HIVEP3: variants seen among roughly 807,000 people sequenced by gnomAD.
HIVEP3 encodes transcription factor HIVEP3.
HIVEP3 carries 49 observed loss-of-function variants against 152.8 expected under a neutral mutation model. That is an observed-to-expected ratio of 0.32 (90% CI 0.26 to 0.41). The LOEUF is 0.41. HIVEP3 is among the 10% of genes least tolerant of loss of function. HIVEP3 has a pLI of 1.00. For missense variants in HIVEP3, 2,790 were observed against 3,103.3 expected (o/e 0.90, Z 2.40); for synonymous variants, 1,269 against 1,289.0 (o/e 0.98, Z 0.33).
At position 41,511,422 on chromosome 1, in the gene HIVEP3, C is replaced by G. The variant is rs1644454561; in HGVS notation, c.6406-156G>C. ...CCAGAACCAAGTTCCTGACTCCCTG[C>G]CCACAGATGCTGAGCCAGCTGCCAT... On this transcript the variant is annotated intron_variant, in intron 8 of 8. Transcript: ENST00000372583. This position sits in a 1 kb window ranked among gnomAD's most constrained non-coding sequence, Gnocchi z 4.9. 6.6e-6 allele frequency among the ~76,000 whole-genome samples: 1 copy of G among 152,184 alleles called. No homozygotes were observed. The highest frequency in any genetic ancestry group is 1.5e-5 in the Non-Finnish European group (1 of 68,032).
At chr1:41,678,196 T>C (rs935000069) in intron 2 of HIVEP3, among the ~76,000 whole-genome samples, 2 of 152,244 alleles carry the variant, frequency 1.3e-5, no homozygotes, top group Non-Finnish European at 2.9e-5. Context: ...AGCCTGTTCC[T>C]GGCAGCATCT....
chr1:41,771,239 T>C (rs1314786022), intron 1 of HIVEP3, among the ~76,000 whole-genome samples: 1 of 151,912 alleles, frequency 6.6e-6, no homozygotes. Context: ...TAATTTCAAT[T>C]GCTGTTTCTA....
At chr1:41,911,790 A>G (rs1463515482) in intron 1 of HIVEP3, among the ~76,000 whole-genome samples, 2 of 152,236 alleles carry the variant, frequency 1.3e-5, no homozygotes, top group African/African-American at 4.8e-5. Context: ...GTTGGTACAG[A>G]GTCCAATCAA....
At chr1:41,566,436 C>T (rs1414046292) in intron 5 of HIVEP3, among the ~76,000 whole-genome samples, 2 of 152,192 alleles carry the variant, frequency 1.3e-5, no homozygotes, top group African/African-American at 2.4e-5. Flanking sequence ...GGCATCATCA[C>T]CTGCCCCTTG....
chr1:41,521,143 G>A (rs1172151138), intron 6 of HIVEP3, among the ~76,000 whole-genome samples: 2 of 152,148 alleles, frequency 1.3e-5, no homozygotes, highest in African/African-American at 4.8e-5. Context: ...TTCTGCAACC[G>A]TGAAGTAATA....
intron 1 of HIVEP3, among the ~76,000 whole-genome samples, chr1:41,754,863 G>T (rs888204217): frequency 1.1e-4 from 16 of 152,194 alleles, no homozygotes; most frequent in African/African-American, 3.6e-4. Flanking sequence ...AACAGCCGGG[G>T]TTGGTGTGGG....
chr1:41,713,708 T>C (rs1646548782), intron 1 of HIVEP3, among the ~76,000 whole-genome samples: 1 of 152,220 alleles, frequency 6.6e-6, no homozygotes, highest in Non-Finnish European at 1.5e-5. Context: ...AACTCTCCAG[T>C]GACAGGGAAC....
In HIVEP3 at chr1:41,579,878, C is replaced by T. The variant is rs749188512; in HGVS notation, c.4920G>A (p.Pro1640=). The T allele has an allele frequency of 1.5e-5, 25 of 1,614,082 alleles. 1 individual carries two copies. Among genetic ancestry groups the T allele is most frequent in the Admixed American group, 5.0e-5 (3 of 60,010 alleles). The change falls in exon 4 of 9, where the codon CCG becomes CCA. Residue 1640 remains proline, a synonymous_variant. Coordinates refer to ENST00000372583, the MANE Select transcript of HIVEP3 (RefSeq NM_024503.5). ...ACAAAGCAGCTTTAGTGGAAACCCC[C>T]GGAAGGTTGGGGTTGTACAAACTTA... ...WCISLYNPNL[P]GVSTKAALSL...
At chr1:41,787,762 T>C (rs192036874) in intron 1 of HIVEP3, among the ~76,000 whole-genome samples, 1 of 152,040 alleles carries the variant, frequency 6.6e-6, no homozygotes, top group Non-Finnish European at 1.5e-5. Flanking sequence ...CTCAGACTTC[T>C]GGGCTCAAGC....
At chr1:41,663,375 C>A (rs1427845344) in intron 2 of HIVEP3, among the ~76,000 whole-genome samples, 1 of 152,190 alleles carries the variant, frequency 6.6e-6, no homozygotes. Context: ...GCCTAGGATG[C>A]AGAATTTAAC....
At chr1:41,816,981 C>T (rs1651310295) in intron 1 of HIVEP3, among the ~76,000 whole-genome samples, 1 of 152,210 alleles carries the variant, frequency 6.6e-6, no homozygotes, top group Non-Finnish European at 1.5e-5. Flanking sequence ...CTTCTAAGCA[C>T]ATCTTTTTGA....
chr1:41,548,689 C>G (rs1411656837), intron 5 of HIVEP3, among the ~76,000 whole-genome samples: 1 of 152,036 alleles, frequency 6.6e-6, no homozygotes, highest in Non-Finnish European at 1.5e-5. Flanking sequence ...GTGTGTGCCA[C>G]CATGCTGGCC....
At chr1:41,695,480 T>C (rs1433057831) in intron 2 of HIVEP3, among the ~76,000 whole-genome samples, 2 of 152,210 alleles carry the variant, frequency 1.3e-5, no homozygotes, top group Non-Finnish European at 2.9e-5. Context: ...TGGCCCAGTG[T>C]AGGCCCCAGG....
chr1:41,624,106 T>C (rs916040625), intron 3 of HIVEP3, among the ~76,000 whole-genome samples: 2 of 152,182 alleles, frequency 1.3e-5, no homozygotes, highest in African/African-American at 2.4e-5. Context: ...CGAAGAGTAC[T>C]ATTTCCACTA....
chr1:41,827,810 C>G (rs923236247), intron 1 of HIVEP3, among the ~76,000 whole-genome samples: 1 of 152,018 alleles, frequency 6.6e-6, no homozygotes, highest in African/African-American at 2.4e-5. Flanking sequence ...GCAATTTCAT[C>G]AGGACCTCCC....
rs1458579650 is a variant in HIVEP3, at chr1:41,967,781, TAATAA to T, written n.120-49262_120-49258del. Among the ~76,000 whole-genome samples, 12 of 152,090 alleles carry T rather than the reference TAATAA, an allele frequency of 7.9e-5. No homozygotes were observed. In the South Asian group the frequency reaches 1.7e-3, roughly 21 times the overall value. On this transcript the variant is annotated intron_variant and non_coding_transcript_variant, in intron 1 of 3. Transcript: ENST00000489103. ...TCAGGAGCTGTTTTTCTGAAAAACT[TAATAA>T]AATAGACCACTAGACTAATAAAGAA...
At chr1:41,802,677 T>C (rs1172822742) in intron 1 of HIVEP3, among the ~76,000 whole-genome samples, 4 of 152,218 alleles carry the variant, frequency 2.6e-5, no homozygotes, top group African/African-American at 9.6e-5. Flanking sequence ...TCAGGCTTCT[T>C]ACCTGTAAAA....
chr1:41,705,696 A>G (rs75395311), intron 1 of HIVEP3, among the ~76,000 whole-genome samples: 2,522 of 152,282 alleles, frequency 0.017, 76 homozygotes, highest in African/African-American at 0.058. Context: ...AATAGACAGA[A>G]TGCTTTTGAA....
chr1:41,662,766 AGACAGGG>A lies in HIVEP3; in HGVS notation c.-720-33826_-720-33820del, dbSNP rs1318599601. ...TCCTCCTGGGCCCTCTAGGGAGGGC[AGACAGGG>A]AAGCCCCTGTCGCCGCCGCCGGGGC... On this transcript the variant is annotated intron_variant, in intron 2 of 8. Coordinates refer to ENST00000372583, the MANE Select transcript of HIVEP3 (RefSeq NM_024503.5). The surrounding 1 kb of genome is among the most constrained non-coding windows in gnomAD (Gnocchi z 7.2). 6.6e-6 allele frequency among the ~76,000 whole-genome samples: 1 copy of A among 150,678 alleles called. No individual in the cohort carries two copies. The highest frequency in any genetic ancestry group is 2.4e-5 in the African/African-American group (1 of 40,978).
Sources: allele counts gnomAD v4.1 joint callset (sites outside exome capture counted in the v4.1 genomes callset), GRCh38; gene constraint gnomAD v4.1.1; non-coding constraint Gnocchi (gnomAD v3.1); transcripts MANE v1.5; gene names NCBI Gene and HGNC (gene_info 2026-07-23, HGNC 2026-07-21).